Variants in HAUS6 observed in about 807,000 individuals in gnomAD.
HAUS6 encodes HAUS augmin like complex subunit 6.
In HAUS6, 80 loss-of-function variants were observed where a neutral mutation model predicts 106.8. The ratio of observed to expected loss-of-function variants is 0.75; its 90% CI spans 0.63 to 0.90. The LOEUF (loss-of-function observed/expected upper bound fraction) is 0.90, where lower values mean the gene tolerates loss of function less well. Ranked by LOEUF, HAUS6 falls within the 40% of genes least tolerant of loss-of-function variation. The pLI, the probability that HAUS6 is intolerant of heterozygous loss-of-function variation, is 0.00. For synonymous variants in HAUS6, 356 were observed against 379.1 expected (o/e 0.94, Z 0.71); for missense variants, 1,155 against 1,118.1 (o/e 1.03, Z -0.47).
At chr9:19,081,186 G>A (rs1278384994) in intron 8 of HAUS6, among the ~76,000 whole-genome samples, 1 of 152,144 alleles carries the variant, frequency 6.6e-6, no homozygotes, top group African/African-American at 2.4e-5. Flanking sequence ...AACATGCCTT[G>A]CTACATTTTT....
At chr9:19,065,904 G>A (rs1836751681) in intron 12 of HAUS6, among the ~76,000 whole-genome samples, 1 of 151,604 alleles carries the variant, frequency 6.6e-6, no homozygotes, top group South Asian at 2.1e-4. Context: ...TTTGTATTTA[G>A]ATTGTATCCA....
intron 11 of HAUS6, among the ~76,000 whole-genome samples, chr9:19,071,660 A>G (rs1836884045): frequency 6.8e-6 from 1 of 147,766 alleles, no homozygotes; most frequent in Non-Finnish European, 1.5e-5. Context: ...TACAGCCTCG[A>G]CTTCCTGGGC....
chr9:19,076,886 T>C (rs1837019994), intron 10 of HAUS6, among the ~76,000 whole-genome samples, 182 bp from the exon 11 acceptor site: 1 of 152,220 alleles, frequency 6.6e-6, no homozygotes, highest in Non-Finnish European at 1.5e-5. Context: ...GTCCCTCGCC[T>C]AGGCTAAAGA....
chr9:19,093,047 T>C (rs1817788227), intron 4 of HAUS6, 124 bp downstream of exon 4: 8 of 686,686 alleles, frequency 1.2e-5, no homozygotes, highest in Middle Eastern at 4.1e-4. Context: ...CCATTTCCTT[T>C]TTGGGGTACA....
At chr9:19,062,904 G>T (rs1836661718) in intron 14 of HAUS6, 104 bp downstream of exon 14, 2 of 836,636 alleles carry the variant, frequency 2.4e-6, no homozygotes, top group African/African-American at 1.7e-5. Flanking sequence ...GGGCTCAAAT[G>T]TTCCTCTTGC....
At chr9:19,088,423 A>G (rs1315447125) in intron 5 of HAUS6, among the ~76,000 whole-genome samples, 1 of 152,094 alleles carries the variant, frequency 6.6e-6, no homozygotes, top group Non-Finnish European at 1.5e-5. Context: ...CTCAAAAAAA[A>G]AAAAAAATAG....
chr9:19,092,879 C>T (rs960892274), intron 4 of HAUS6, among the ~76,000 whole-genome samples: 3 of 142,066 alleles, frequency 2.1e-5, no homozygotes, highest in African/African-American at 5.4e-5. Context: ...GAGCCAAGAT[C>T]ACAGCATTGC....
rs867661287 is a variant in HAUS6, at chr9:19,090,301, A to G, written c.437-742T>C. On this transcript the variant is annotated intron_variant, in intron 4 of 16. Transcript: ENST00000380502. ...ATCTAGAAATACATTTATATCCGTA[A>G]TAGTGTATTTATTTATAGATACCTC... Among the ~76,000 whole-genome samples the G allele has an allele frequency of 4.6e-5, 7 of 152,172 alleles. No homozygotes were observed. The South Asian group carries it at 1.2e-3, about 27-fold the overall frequency.
chr9:19,093,370 C>T, intron 3 of HAUS6, 67 bp from the exon 4 acceptor site: 2 of 1,359,686 alleles, frequency 1.5e-6, no homozygotes, highest in Admixed American at 2.0e-5. Context: ...TTACATCACA[C>T]TATTTTTGTT....
In HAUS6 at chr9:19,087,082, G is replaced by A; in HGVS notation, c.650+9C>T. 1 of 1,366,476 alleles carries A rather than the reference G, an allele frequency of 7.3e-7. No homozygotes were observed. Among genetic ancestry groups the A allele is most frequent in the Non-Finnish European group, 1.0e-6 (1 of 954,566 alleles). 84.6% of individuals were successfully genotyped at this position (1,366,476 alleles called of 1,614,324 possible). On this transcript the variant is annotated intron_variant, in intron 6 of 16. Coordinates refer to ENST00000380502, the MANE Select transcript of HAUS6 (RefSeq NM_017645.5). ...TCTAAGGCAACTTCTAGCTCTAAAAGTCACTTACTTCTTTATTTGGTTTTC... is the reference window on the plus strand; with the variant it reads ...TCTAAGGCAACTTCTAGCTCTAAAAATCACTTACTTCTTTATTTGGTTTTC...
At chr9:19,076,567 G>C (rs767552683) in intron 11 of HAUS6, 35 bp downstream of exon 11, 1 of 881,824 alleles carries the variant, frequency 1.1e-6, no homozygotes, top group Non-Finnish European at 1.9e-6. Flanking sequence ...ACAGGAAGGA[G>C]GTTTCAAAGA....
Position 19,087,160 on chromosome 9 carries a change from C to T in HAUS6, c.585-4G>A, listed in dbSNP as rs1370954417. On this transcript the variant is annotated splice_region_variant and splice_polypyrimidine_tract_variant and intron_variant, in intron 5 of 16. Coordinates refer to ENST00000380502, the MANE Select transcript of HAUS6 (RefSeq NM_017645.5). ...TCGTACCTGCTTAACTGATAATCTG[C>T]AAGAAAACATACAAAATGACAACTA... The T allele has an allele frequency of 7.0e-7, 1 of 1,430,384 alleles. No individual in the cohort carries two copies. The highest frequency in any genetic ancestry group is 1.7e-5 in the Admixed American group (1 of 59,590). 88.6% of individuals were successfully genotyped at this position (1,430,384 alleles called of 1,614,324 possible).
chr9:19,093,599 T>A (rs1380023052), intron 3 of HAUS6, among the ~76,000 whole-genome samples: 1 of 152,218 alleles, frequency 6.6e-6, no homozygotes, highest in East Asian at 1.9e-4. Context: ...CTGGGTGTGG[T>A]GGCTCATACC....
chr9:19,097,936 G>C (rs1165048414), intron 1 of HAUS6, among the ~76,000 whole-genome samples: 3 of 152,152 alleles, frequency 2.0e-5, no homozygotes, highest in South Asian at 2.1e-4. Context: ...TCTTGCGTAA[G>C]TTCCTATGCC....
rs1193838254 is a variant in HAUS6 at position 19,082,882 on chromosome 9, T to A, written c.861A>T (p.Gln287His). The change falls in exon 8 of 17, where the codon CAA becomes CAT. Residue 287 changes from glutamine to histidine, a missense_variant. Transcript: ENST00000380502. ...PRLLLDKIEK[Q>H]MFQLHIGNVY... ...AATATCAAATGCTTACCTGAAACAT[T>A]TGTTTCTCAATTTTGTCAAGTAAGA... 1 of 1,467,036 alleles carries A rather than the reference T, an allele frequency of 6.8e-7. No homozygotes were observed. Among genetic ancestry groups the A allele is most frequent in the African/African-American group, 1.5e-5 (1 of 68,944 alleles). The allele number at this position is 1,467,036 out of a possible 1,614,324, so 90.9% of individuals were successfully genotyped here.
intron 1 of HAUS6, among the ~76,000 whole-genome samples, chr9:19,098,865 A>C (rs1051271387): frequency 2.6e-5 from 4 of 151,992 alleles, no homozygotes; most frequent in Non-Finnish European, 5.9e-5. Flanking sequence ...TCTACTAAAA[A>C]TACAAAATTA....
intron 3 of HAUS6, 52 bp downstream of exon 3, chr9:19,094,265 A>G (rs1455280399): frequency 2.3e-5 from 24 of 1,026,326 alleles, no homozygotes; most frequent in Non-Finnish European, 3.0e-5. Flanking sequence ...AAAGAGTTAA[A>G]GTAGTTTTTA....
intron 7 of HAUS6, among the ~76,000 whole-genome samples, chr9:19,084,842 G>A (rs1438998663): frequency 3.9e-5 from 6 of 151,982 alleles, no homozygotes; most frequent in Admixed American, 3.3e-4. Flanking sequence ...ATGTTGGCCA[G>A]GCTGGCCTCA....
At position 19,094,342 on chromosome 9, in the gene HAUS6, C is replaced by T. The variant is rs1443048124; in HGVS notation, c.278G>A (p.Cys93Tyr). 1.9e-6 allele frequency: 3 copies of T among 1,601,850 alleles called. No individual in the cohort carries two copies. Among genetic ancestry groups the T allele is most frequent in the South Asian group, 1.1e-5 (1 of 89,338 alleles). The change falls in exon 3 of 17, where the codon TGC becomes TAC. Residue 93 changes from cysteine (C) to tyrosine (Y), a missense_variant. This residue lies in a region of HAUS6 where 761 missense variants were observed against 690.0 expected (regional missense o/e 1.10). Coordinates refer to ENST00000380502, the MANE Select transcript of HAUS6 (RefSeq NM_017645.5). ...QKSDTEFRKHCCEWIKRISGE... is the reference protein window; with the variant it reads ...QKSDTEFRKHYCEWIKRISGE... ...AGAAATCCTTTTTATCCATTCACAG[C>T]AATGTTTTCGGAATTCAGTGTCACT...
Sources: allele counts gnomAD v4.1 joint callset (sites outside exome capture counted in the v4.1 genomes callset), GRCh38; gene constraint gnomAD v4.1.1; regional missense constraint gnomAD v4.1.1; transcripts MANE v1.5; gene names NCBI Gene and HGNC (gene_info 2026-07-23, HGNC 2026-07-21).